DNAJC13: variants seen among roughly 807,000 people sequenced by gnomAD.
DNAJC13 encodes the protein dnaJ homolog subfamily C member 13.
In DNAJC13, 75 loss-of-function variants were observed where a neutral mutation model predicts 290.5. The ratio of observed to expected loss-of-function variants is 0.26; its 90% confidence interval spans 0.21 to 0.31. The LOEUF (loss-of-function observed/expected upper bound fraction) is 0.31, where lower values mean the gene tolerates loss of function less well. Among genes scored for constraint, DNAJC13 ranks in the 10% least tolerant of loss-of-function variants. The probability of loss-of-function intolerance (pLI) is 1.00; values close to 1 mark genes in which losing one functional copy is unlikely to be tolerated. For synonymous variants in DNAJC13, 862 were observed against 892.0 expected, an observed-to-expected ratio of 0.97 and a Z score of 0.60; for missense variants, 2,260 against 2,674.5, an observed-to-expected ratio of 0.85 and a Z score of 3.42.
chr3:132,491,166 A>T (rs916333618), intron 32 of DNAJC13, 115 bp downstream of exon 32: 6 of 904,350 alleles, frequency 6.6e-6, no homozygotes, highest in South Asian at 2.1e-5. Context: ...ATCTAAAATG[A>T]CAGTAATCAT....
chr3:132,445,451 A>G (rs1018382061), intron 2 of DNAJC13, among the ~76,000 whole-genome samples: 7 of 152,008 alleles, frequency 4.6e-5, no homozygotes, highest in Non-Finnish European at 8.8e-5. Context: ...TTGTCTTTTC[A>G]GATTTTAGTA....
intron 51 of DNAJC13, among the ~76,000 whole-genome samples, chr3:132,524,229 G>C (rs551251546): frequency 6.6e-6 from 1 of 152,356 alleles, no homozygotes; most frequent in South Asian, 2.1e-4. Flanking sequence ...GGTTTGGCAA[G>C]CCAAATACCG....
rs1934518203 is a variant in DNAJC13, at chr3:132,477,658, G to C, written c.2446-131G>C. On this transcript the variant is annotated intron_variant, in intron 22 of 55. Coordinates refer to ENST00000260818, the MANE Select transcript of DNAJC13 (RefSeq NM_015268.4). ...CTCAGCATTTAGCTAAAATAGTCAT[G>C]TTAACAATATTGAATTAACAGGTAT... 3 of 637,398 alleles carry C rather than the reference G, an allele frequency of 4.7e-6. No homozygotes were observed. The East Asian group carries it at 8.5e-5, about 18-fold the overall frequency. 39.5% of individuals were successfully genotyped at this position (637,398 alleles called of 1,614,324 possible).
At chr3:132,441,697 A>AT (rs367850897) in intron 2 of DNAJC13, among the ~76,000 whole-genome samples, 49 of 152,340 alleles carry the variant, frequency 3.2e-4, no homozygotes, top group African/African-American at 1.1e-3. Flanking sequence ...GCAGAAGAAT[A>AT]TAATAGATGT....
chr3:132,489,004 G>A lies in DNAJC13; in HGVS notation c.3451G>A (p.Ala1151Thr), dbSNP rs1242534215. 2 of 1,610,526 alleles carry A rather than the reference G, an allele frequency of 1.2e-6. No individual in the cohort carries two copies. The highest frequency in any genetic ancestry group is 1.7e-5 in the Admixed American group (1 of 59,932). ...RFLKYTHTKQ[A>T]FKSEETKGQD... ...TTTGAAATACACACATACCAAACAGGCTTTCAAGTCAGAAGAGGTAAGCCA... is the reference window on the plus strand; with the variant it reads ...TTTGAAATACACACATACCAAACAGACTTTCAAGTCAGAAGAGGTAAGCCA... Residue 1151 changes from alanine to threonine, a missense_variant, in exon 31 of 56, where the codon GCT becomes ACT. This residue lies in a region of DNAJC13 where 1,494 missense variants were observed against 1,693.7 expected (regional missense o/e 0.88). Transcript: ENST00000260818.
chr3:132,478,527 A>G (rs1934547940), intron 24 of DNAJC13, among the ~76,000 whole-genome samples: 1 of 152,236 alleles, frequency 6.6e-6, no homozygotes, highest in Non-Finnish European at 1.5e-5. Context: ...TGAAGATAGT[A>G]AAAACCTTTT....
intron 43 of DNAJC13, among the ~76,000 whole-genome samples, chr3:132,508,097 G>C (rs955891357): frequency 1.3e-5 from 2 of 152,200 alleles, no homozygotes; most frequent in African/African-American, 4.8e-5. Context: ...TAGAAGATCA[G>C]ACCAGCCACA....
At position 132,496,624 on chromosome 3, in the gene DNAJC13, C is replaced by A; in HGVS notation, c.4117C>A (p.Leu1373Ile). The stretch of plus-strand genomic sequence containing the variant: ...AGATCCAGAGAATATAATTTTAATT[C>A]TAAAAACACAGAGCATCCTCTTCAA... ...GPDPENIILI[L>I]KTQSILFNRH... Residue 1373 changes from leucine (L) to isoleucine (I), a missense_variant, in exon 36 of 56, where the codon CTA becomes ATA. Leu to Ile is a conservative substitution (Grantham distance 5, BLOSUM62 2). Around this residue, in one of 3 missense-constraint regions of DNAJC13, gnomAD observed 1,494 missense variants for 1,693.7 expected, o/e 0.88. Coordinates refer to ENST00000260818, the MANE Select transcript of DNAJC13 (RefSeq NM_015268.4). The A allele has an allele frequency of 1.9e-6, 3 of 1,610,736 alleles. No individual in the cohort carries two copies. Among genetic ancestry groups the A allele is most frequent in the Non-Finnish European group, 2.5e-6 (3 of 1,178,618 alleles).
At chr3:132,488,706 T>C (rs1934965570) in intron 30 of DNAJC13, among the ~76,000 whole-genome samples, 1 of 152,172 alleles carries the variant, frequency 6.6e-6, no homozygotes, top group African/African-American at 2.4e-5. Context: ...TATATTCATA[T>C]TGTACATGCA....
intron 9 of DNAJC13, among the ~76,000 whole-genome samples, chr3:132,455,156 C>G (rs1404551573): frequency 6.6e-6 from 1 of 151,998 alleles, no homozygotes; most frequent in Non-Finnish European, 1.5e-5. Flanking sequence ...ATATACAGAA[C>G]TCTTACAACT....
intron 29 of DNAJC13, 95 bp from the exon 30 acceptor site, chr3:132,488,203 A>G (rs376593111): frequency 9.1e-7 from 1 of 1,099,108 alleles, no homozygotes; most frequent in East Asian, 2.6e-5. Context: ...TATAATTTAC[A>G]TAAGGAGCTA....
intron 55 of DNAJC13, among the ~76,000 whole-genome samples, chr3:132,532,502 C>G (rs950004669): frequency 6.6e-6 from 1 of 152,084 alleles, no homozygotes; most frequent in Admixed American, 6.6e-5. Flanking sequence ...CATCCCCTGT[C>G]CCTCATATCT....
At chr3:132,516,213 T>C (rs1054266632) in intron 46 of DNAJC13, among the ~76,000 whole-genome samples, 2 of 152,212 alleles carry the variant, frequency 1.3e-5, no homozygotes, top group African/African-American at 4.8e-5. Flanking sequence ...ATACCACTTA[T>C]TAGCTGTGAG....
At chr3:132,503,166 A>G (rs767425441) in intron 40 of DNAJC13, 48 bp from the exon 41 acceptor site, 3 of 1,582,984 alleles carry the variant, frequency 1.9e-6, no homozygotes, top group Non-Finnish European at 2.6e-6. Flanking sequence ...AGTATTACCT[A>G]TGTAAGATAA....
rs755509672 is a variant in DNAJC13 at position 132,491,012 on chromosome 3, A to C, written c.3584A>C (p.Glu1195Ala). The C allele has an allele frequency of 6.2e-7, 1 of 1,612,632 alleles. No individual in the cohort carries two copies. The highest frequency in any genetic ancestry group is 2.2e-5 in the East Asian group (1 of 44,796). ...AAGTTTTCTGAGATTTTTCTAGGAG[A>C]ATTTGATACTCCAGAAGCAATCTGG... ...PEKFSEIFLG[E>A]FDTPEAIWSS... is the part of the protein sequence containing the mutation. Residue 1195 changes from glutamate to alanine, a missense_variant, in exon 32 of 56, where the codon GAA (glutamate) becomes GCA (alanine). Glu to Ala is a moderately radical substitution (Grantham distance 107). This residue lies in a region of DNAJC13 where 1,494 missense variants were observed against 1,693.7 expected (regional missense o/e 0.88). Transcript: ENST00000260818.
chr3:132,530,399 C>T (rs1178227208), intron 54 of DNAJC13, among the ~76,000 whole-genome samples: 1 of 152,132 alleles, frequency 6.6e-6, no homozygotes, highest in Non-Finnish European at 1.5e-5. Context: ...AAATGTCTTT[C>T]ATCTTAGTTT....
chr3:132,439,056 A>G lies in DNAJC13; in HGVS notation c.68+4438A>G, dbSNP rs183990886. Among the ~76,000 whole-genome samples, 54 of 152,278 alleles carry G rather than the reference A, an allele frequency of 3.5e-4. 1 individual carries two copies. The highest frequency in any genetic ancestry group is 1.1e-3 in the African/African-American group (47 of 41,552). ...GTGATATTCAAGGTACAGGTTCTCA[A>G]TTTTTTCTGGATAAAAATTTATAAG... On this transcript the variant is annotated intron_variant, in intron 2 of 55. Transcript: ENST00000260818.
chr3:132,467,666 C>T (rs1466762158), intron 20 of DNAJC13, among the ~76,000 whole-genome samples: 2 of 152,008 alleles, frequency 1.3e-5, no homozygotes, highest in African/African-American at 2.4e-5. Flanking sequence ...GGGGTTTCAC[C>T]GTGTTAGCCA....
intron 1 of DNAJC13, among the ~76,000 whole-genome samples, chr3:132,420,568 C>A (rs1342988234): frequency 6.6e-6 from 1 of 151,660 alleles, no homozygotes; most frequent in Non-Finnish European, 1.5e-5. Context: ...CCCCCTGCCA[C>A]CAAGCTAAGA....
Sources: allele counts gnomAD v4.1 joint callset (sites outside exome capture counted in the v4.1 genomes callset), GRCh38; gene constraint gnomAD v4.1.1; regional missense constraint gnomAD v4.1.1; transcripts MANE v1.5; gene names NCBI Gene and HGNC (gene_info 2026-07-23, HGNC 2026-07-21).